HERC1: variants seen among roughly 807,000 people sequenced by gnomAD.
HERC1 encodes the protein HECT and RLD domain containing E3 ubiquitin protein ligase family member 1, also known as probable E3 ubiquitin-protein ligase HERC1.
In HERC1, 160 loss-of-function variants were observed where a neutral mutation model predicts 554.3. The observed-to-expected ratio is 0.29, with a 90% confidence interval of 0.25 to 0.33. The LOEUF is 0.33. Ranked by LOEUF, HERC1 falls within the 10% of genes least tolerant of loss-of-function variation. The probability of loss-of-function intolerance (pLI) is 1.00; values close to 1 mark genes in which losing one functional copy is unlikely to be tolerated. For missense variants in HERC1, 4,919 were observed against 5,918.5 expected (o/e 0.83, Z 5.54); for synonymous variants, 2,175 against 2,131.7 (o/e 1.02, Z -0.56).
At chr15:63,719,315 G>A (rs1329392144) in intron 19 of HERC1, among the ~76,000 whole-genome samples, 1 of 152,206 alleles carries the variant, frequency 6.6e-6, no homozygotes, top group Non-Finnish European at 1.5e-5. Flanking sequence ...GAAAAAGCTT[G>A]TGAAAATGGG....
At position 63,677,016 on chromosome 15, in the gene HERC1, T is replaced by C. The variant is rs914155363; in HGVS notation, c.7070+829A>G. On this transcript the variant is annotated intron_variant, in intron 37 of 77. Transcript: ENST00000443617. This position sits in a 1 kb window ranked among gnomAD's most constrained non-coding sequence, Gnocchi z 4.4. ...AAGTGTTCTGGATTTCAGATTTTTT[T>C]CCCAAATTTTGGAATATTTACATTG... 6.6e-6 allele frequency among the ~76,000 whole-genome samples: 1 copy of C among 152,180 alleles called. No homozygotes were observed. Among genetic ancestry groups the C allele is most frequent in the East Asian group, 1.9e-4 (1 of 5,198 alleles).
intron 54 of HERC1, among the ~76,000 whole-genome samples, chr15:63,648,737 G>C (rs2069487939): frequency 6.6e-6 from 1 of 152,174 alleles, no homozygotes; most frequent in African/African-American, 2.4e-5. Flanking sequence ...GGGTAGAATG[G>C]GAGTGTGGGA....
chr15:63,803,671 G>T (rs2077055457), intron 1 of HERC1, among the ~76,000 whole-genome samples: 1 of 152,122 alleles, frequency 6.6e-6, no homozygotes, highest in South Asian at 2.1e-4. Flanking sequence ...AAGTCTTGTT[G>T]CTATGATAAA....
In HERC1 at chr15:63,632,771, G is replaced by A; in HGVS notation, c.12734C>T (p.Ala4245Val). 6.4e-7 allele frequency: 1 copy of A among 1,570,304 alleles called. No homozygotes were observed. Among genetic ancestry groups the A allele is most frequent in the South Asian group, 1.2e-5 (1 of 85,412 alleles). The change falls in exon 68 of 78, where the codon GCT becomes GTT. Residue 4245 changes from alanine (A) to valine (V), a missense_variant. By Grantham distance (64) the Ala-to-Val change is moderately conservative. Around this residue, in one of 11 missense-constraint regions of HERC1, gnomAD observed 410 missense variants for 467.0 expected, o/e 0.88. Transcript: ENST00000443617. The part of the protein sequence containing the change: ...VLCGIGIKKV[A>V]CGTQFSVALT... Reference sequence around the variant, plus strand: ...AGCAACAGAAAACTGAGTTCCACAAGCAACCTTTTTTATTCCAATTCCACA... The same window carrying A: ...AGCAACAGAAAACTGAGTTCCACAAACAACCTTTTTTATTCCAATTCCACA...
intron 2 of HERC1, among the ~76,000 whole-genome samples, chr15:63,766,377 C>T (rs1361242945): frequency 6.6e-6 from 1 of 152,022 alleles, no homozygotes; most frequent in Non-Finnish European, 1.5e-5. Context: ...CACTTGAGGT[C>T]AGGAGTTCAA....
chr15:63,661,900 C>T lies in HERC1; in HGVS notation c.9023G>A (p.Arg3008His). 1.9e-6 allele frequency: 3 copies of T among 1,613,968 alleles called. No homozygotes were observed. The highest frequency in any genetic ancestry group is 1.3e-5 in the African/African-American group (1 of 75,036). ...NHPGCGRSAN[R>H]QGYRSNGSYV... ...GGAACCATTGCTGCGATAGCCCTGG[C>T]GGTTTGCACTGCGCCCACAGCCTGG... The change falls in exon 45 of 78, where the codon CGC becomes CAC. Residue 3008 changes from arginine (R) to histidine (H), a missense_variant. Transcript: ENST00000443617.
chr15:63,782,366 A>G (rs2076313247), intron 1 of HERC1, among the ~76,000 whole-genome samples: 2 of 152,244 alleles, frequency 1.3e-5, no homozygotes, highest in African/African-American at 2.4e-5. Context: ...GAATTATTAT[A>G]AACCTACTCT....
chr15:63,683,924 T>C (rs1351859513), intron 34 of HERC1, among the ~76,000 whole-genome samples: 1 of 152,258 alleles, frequency 6.6e-6, no homozygotes, highest in Non-Finnish European at 1.5e-5. Context: ...CTGTGTGCTC[T>C]AGGTTATTTC....
At chr15:63,788,600 A>G (rs1020203627) in intron 1 of HERC1, among the ~76,000 whole-genome samples, 3 of 152,228 alleles carry the variant, frequency 2.0e-5, no homozygotes, top group African/African-American at 7.2e-5. Context: ...TTCATAATCT[A>G]TAATTAATAA....
At chr15:63,691,804 T>C (rs1256627509) in intron 31 of HERC1, among the ~76,000 whole-genome samples, 2 of 152,246 alleles carry the variant, frequency 1.3e-5, no homozygotes, top group Non-Finnish European at 1.5e-5. Flanking sequence ...GCAGTGATTG[T>C]TGTATAATAC....
rs772891333 is a variant in HERC1 at position 63,612,960 on chromosome 15, C to G, written c.14095-404G>C. ...AAAGGTAAGAAGCTTTGGGGGCACT[C>G]AACTAGCTGCCTACTGTTTTTTAAA... On this transcript the variant is annotated intron_variant, in intron 76 of 77. Transcript: ENST00000443617. The surrounding 1 kb of genome is among the most constrained non-coding windows in gnomAD (Gnocchi z 5.0). Among the ~76,000 whole-genome samples the G allele has an allele frequency of 1.3e-5, 2 of 152,198 alleles. No individual in the cohort carries two copies. Among genetic ancestry groups the G allele is most frequent in the African/African-American group, 2.4e-5 (1 of 41,438 alleles).
intron 10 of HERC1, among the ~76,000 whole-genome samples, chr15:63,748,122 A>G (rs1333174301): frequency 6.6e-6 from 1 of 152,120 alleles, no homozygotes; most frequent in African/African-American, 2.4e-5. Context: ...GTTACCCAGG[A>G]GGCTAAGGCA....
At chr15:63,631,005 G>A (rs957514740) in intron 68 of HERC1, among the ~76,000 whole-genome samples, 1 of 152,102 alleles carries the variant, frequency 6.6e-6, no homozygotes, top group African/African-American at 2.4e-5. Flanking sequence ...ACAGGGTCTC[G>A]CTCTGTCGCC....
At position 63,774,438 on chromosome 15, in the gene HERC1, T is replaced by C. The variant is rs528717587; in HGVS notation, c.930+256A>G. ...TCGCTAAAACATAAAGTTAGATGAA[T>C]TTCCCTAGTTCACATGAGAATCCAC... On this transcript the variant is annotated intron_variant, in intron 2 of 77. Coordinates refer to ENST00000443617, the MANE Select transcript of HERC1 (RefSeq NM_003922.4). 6.2e-4 allele frequency among the ~76,000 whole-genome samples: 94 copies of C among 152,336 alleles called. 1 individual carries two copies. The highest frequency in any genetic ancestry group is 2.2e-3 in the African/African-American group (91 of 41,568).
intron 26 of HERC1, 72 bp from the exon 27 acceptor site, chr15:63,696,411 A>G: frequency 1.9e-6 from 2 of 1,042,976 alleles, no homozygotes; most frequent in Non-Finnish European, 2.9e-6. Context: ...TGCCAAAAAC[A>G]GTATTTTTAA....
rs376899719 is a variant in HERC1, at chr15:63,787,244, C to A, written c.-26-11595G>T. On this transcript the variant is annotated intron_variant, in intron 1 of 77. Coordinates refer to ENST00000443617, the MANE Select transcript of HERC1 (RefSeq NM_003922.4). ...CAATCTCCGTTCACTGCAACCTCCG[C>A]CTCCAGGATTCAAGCAATTCTCCTG... Among the ~76,000 whole-genome samples, 32 of 152,192 alleles carry A rather than the reference C, an allele frequency of 2.1e-4. No homozygotes were observed. In the East Asian group the frequency reaches 2.5e-3, roughly 12 times the overall value.
At chr15:63,825,814 A>G (rs960690980) in intron 1 of HERC1, among the ~76,000 whole-genome samples, 8 of 151,620 alleles carry the variant, frequency 5.3e-5, no homozygotes, top group Non-Finnish European at 1.2e-4. Context: ...CCCCAGGCTG[A>G]GTATAGCGGT....
At chr15:63,752,819 C>T (rs1447588329) in intron 8 of HERC1, 139 bp downstream of exon 8, 1 of 816,912 alleles carries the variant, frequency 1.2e-6, no homozygotes, top group Non-Finnish European at 1.8e-6. Flanking sequence ...CTACTTCAAA[C>T]AGAAGAAGAT....
Position 63,754,056 on chromosome 15 carries a change from C to A in HERC1, c.1774+449G>T, listed in dbSNP as rs2075339155. 2.0e-5 allele frequency among the ~76,000 whole-genome samples: 3 copies of A among 151,940 alleles called. No individual in the cohort carries two copies. In the South Asian group the frequency reaches 6.2e-4, roughly 32 times the overall value. On this transcript the variant is annotated intron_variant, in intron 7 of 77. Transcript: ENST00000443617. ...AGGCATGGTGGTGCATGCCTGTAGT[C>A]CCAGCTACTTGGGGGGCTGAGGCAG...
Sources: allele counts gnomAD v4.1 joint callset (sites outside exome capture counted in the v4.1 genomes callset), GRCh38; gene constraint gnomAD v4.1.1; regional missense constraint gnomAD v4.1.1; non-coding constraint Gnocchi (gnomAD v3.1); transcripts MANE v1.5; gene names NCBI Gene and HGNC (gene_info 2026-07-23, HGNC 2026-07-21).